Variants in CSMD1 observed in about 807,000 individuals in gnomAD.
CSMD1 encodes the protein CUB and sushi domain-containing protein 1.
In CSMD1, 213 loss-of-function variants were observed where a neutral mutation model predicts 417.5. The observed-to-expected ratio is 0.51, with a 90% CI of 0.46 to 0.57. The LOEUF (loss-of-function observed/expected upper bound fraction) is 0.57, where lower values mean the gene tolerates loss of function less well. Among genes scored for constraint, CSMD1 ranks in the 20% least tolerant of loss-of-function variants. The pLI is 0.00. For synonymous variants in CSMD1, 2,862 were observed against 1,736.8 expected, an observed-to-expected ratio of 1.65 and a Z score of -16.11; for missense variants, 6,923 against 4,529.7, an observed-to-expected ratio of 1.53 and a Z score of -15.17.
chr8:3,658,949 T>C (rs1798267797), intron 7 of CSMD1, among the ~76,000 whole-genome samples: 1 of 152,330 alleles, frequency 6.6e-6, no homozygotes, highest in South Asian at 2.1e-4. Context: ...ATTTAAAATA[T>C]AACTTTCATA....
intron 7 of CSMD1, chr8:3,700,412 A>G (rs151178324): frequency 1.3e-5 from 2 of 152,210 alleles, no homozygotes; most frequent in Admixed American, 6.5e-5. Flanking sequence ...ACGTATATGT[A>G]TATGTAATAT....
chr8:3,385,703 G>A (rs1348270255), intron 18 of CSMD1, among the ~76,000 whole-genome samples: 1 of 152,150 alleles, frequency 6.6e-6, no homozygotes, highest in Non-Finnish European at 1.5e-5. Flanking sequence ...TAGAGTTTAT[G>A]TTTAAATATT....
intron 25 of CSMD1, among the ~76,000 whole-genome samples, chr8:3,307,098 T>G (rs1381520655): frequency 2.6e-5 from 4 of 152,168 alleles, no homozygotes; most frequent in Non-Finnish European, 5.9e-5. Flanking sequence ...TGACTTTGCT[T>G]CTCTTCCTAT....
At chr8:3,545,477 C>G (rs758566467) in intron 10 of CSMD1, among the ~76,000 whole-genome samples, 4 of 152,156 alleles carry the variant, frequency 2.6e-5, no homozygotes, top group African/African-American at 7.2e-5. Context: ...AGGCCTAGGT[C>G]TACAGACAAT....
At chr8:3,407,325 G>A (rs535492493) in intron 14 of CSMD1, among the ~76,000 whole-genome samples, 22 of 151,884 alleles carry the variant, frequency 1.4e-4, no homozygotes, top group Admixed American at 4.6e-4. Context: ...ATGAATGGAT[G>A]GACACATGGA....
intron 7 of CSMD1, among the ~76,000 whole-genome samples, chr8:3,643,528 CAGTCTCT>C (rs1294321576): frequency 6.6e-6 from 1 of 151,830 alleles, no homozygotes; most frequent in Non-Finnish European, 1.5e-5. Flanking sequence ...CAGTGAAATC[CAGTCTCT>C]ACTAAAAATA....
intron 11 of CSMD1, among the ~76,000 whole-genome samples, chr8:3,471,271 C>T (rs540575895): frequency 2.6e-5 from 4 of 152,184 alleles, no homozygotes; most frequent in African/African-American, 9.6e-5. Flanking sequence ...GCCATTTATA[C>T]GTCTTCTTGA....
At chr8:3,269,404 G>A (rs1801671747) in intron 26 of CSMD1, among the ~76,000 whole-genome samples, 1 of 152,198 alleles carries the variant, frequency 6.6e-6, no homozygotes, top group Admixed American at 6.5e-5. Flanking sequence ...GCTTACGGCT[G>A]GTTTTCTCCC....
chr8:3,031,599 T>C (rs924102431), intron 50 of CSMD1, among the ~76,000 whole-genome samples: 108 of 152,140 alleles, frequency 7.1e-4, no homozygotes, highest in African/African-American at 2.5e-3. Context: ...TAGGTCTAGT[T>C]ATATGGCCCA....
intron 7 of CSMD1, among the ~76,000 whole-genome samples, chr8:3,665,685 C>A (rs1798653471): frequency 6.6e-6 from 1 of 152,036 alleles, no homozygotes. Flanking sequence ...AGATAAAACT[C>A]AGGAAATGTG....
At chr8:3,600,684 C>A (rs753252479) in intron 8 of CSMD1, among the ~76,000 whole-genome samples, 3 of 152,080 alleles carry the variant, frequency 2.0e-5, no homozygotes, top group African/African-American at 7.2e-5. Context: ...TGGTCTAAAG[C>A]GAAAGTCTGC....
At chr8:3,483,362 A>G (rs1226554807) in intron 11 of CSMD1, among the ~76,000 whole-genome samples, 6 of 152,096 alleles carry the variant, frequency 3.9e-5, no homozygotes, top group Non-Finnish European at 7.4e-5. Flanking sequence ...ATAACTGTAA[A>G]TTCATAAATT....
chr8:3,395,856 T>C (rs982031282), intron 17 of CSMD1, among the ~76,000 whole-genome samples: 5 of 152,162 alleles, frequency 3.3e-5, no homozygotes, highest in African/African-American at 2.4e-5. Context: ...TAGTAATATA[T>C]CCTATAAGAC....
At chr8:4,634,138 A>C (rs979518098) in intron 2 of CSMD1, among the ~76,000 whole-genome samples, 2 of 152,182 alleles carry the variant, frequency 1.3e-5, no homozygotes, top group African/African-American at 4.8e-5. Flanking sequence ...CCACATCATT[A>C]AAATTTAGTT....
intron 7 of CSMD1, among the ~76,000 whole-genome samples, chr8:3,667,445 G>A (rs1217363365): frequency 2.6e-5 from 4 of 152,058 alleles, no homozygotes; most frequent in African/African-American, 9.7e-5. Flanking sequence ...GCAGCCATTG[G>A]CAAGGCCTTG....
intron 10 of CSMD1, among the ~76,000 whole-genome samples, chr8:3,504,579 A>T (rs937336677): frequency 6.6e-6 from 1 of 152,168 alleles, no homozygotes; most frequent in African/African-American, 2.4e-5. Context: ...GTATTCTGTT[A>T]TTTCAAATCT....
chr8:4,219,974 G>C (rs1427483976), intron 3 of CSMD1, among the ~76,000 whole-genome samples: 1 of 151,950 alleles, frequency 6.6e-6, no homozygotes, highest in Non-Finnish European at 1.5e-5. Flanking sequence ...TTTTGAAATG[G>C]AGTCTCACTC....
At chr8:4,273,396 T>C (rs1392698029) in intron 3 of CSMD1, among the ~76,000 whole-genome samples, 1 of 152,156 alleles carries the variant, frequency 6.6e-6, no homozygotes. Flanking sequence ...TCATATCAGA[T>C]AACCGGTGCA....
At chr8:4,865,007 A>C (rs1317677280) in intron 1 of CSMD1, among the ~76,000 whole-genome samples, 8 of 151,234 alleles carry the variant, frequency 5.3e-5, no homozygotes, top group Non-Finnish European at 8.9e-5. Context: ...CTGATTTTTT[A>C]AATTTTAAAA....
Sources: gnomAD v4.1 joint callset for allele counts (sites outside exome capture counted in the v4.1 genomes callset) on GRCh38, gnomAD v4.1.1 for gene constraint, MANE v1.5 for transcripts, NCBI Gene and HGNC (gene_info 2026-07-23, HGNC 2026-07-21) for gene names.